The following LRP1B variants were observed in gnomAD, a reference collection of about 807,000 sequenced individuals.
LRP1B encodes the protein low-density lipoprotein receptor-related protein 1B.
In LRP1B, 217 loss-of-function variants were observed where a neutral mutation model predicts 556.6. The observed-to-expected ratio is 0.39, with a 90% CI of 0.35 to 0.44. LRP1B has a LOEUF of 0.44. LRP1B is among the 20% of genes least tolerant of loss of function. The pLI, the probability that LRP1B is intolerant of heterozygous loss-of-function variation, is 1.00. For synonymous variants in LRP1B, 2,047 were observed against 1,865.8 expected (o/e 1.10, Z -2.50); for missense variants, 5,053 against 5,620.8 (o/e 0.90, Z 3.23).
At chr2:140,536,946 G>A (rs1050208205) in intron 45 of LRP1B, among the ~76,000 whole-genome samples, 9 of 151,056 alleles carry the variant, frequency 6.0e-5, no homozygotes, top group African/African-American at 1.9e-4. Flanking sequence ...GGCTGAGGTG[G>A]GTAGATCATG....
At chr2:141,583,490 C>G (rs1435167373) in intron 2 of LRP1B, among the ~76,000 whole-genome samples, 1 of 151,922 alleles carries the variant, frequency 6.6e-6, no homozygotes, top group Non-Finnish European at 1.5e-5. Context: ...TCTAAGAGGA[C>G]CAACCCTCCA....
At chr2:141,987,011 C>T (rs147310134) in intron 1 of LRP1B, among the ~76,000 whole-genome samples, 2,972 of 151,940 alleles carry the variant, frequency 0.02, 63 homozygotes, top group Non-Finnish European at 0.023. Flanking sequence ...TATAAAAATG[C>T]GGATAACAGT....
intron 2 of LRP1B, among the ~76,000 whole-genome samples, chr2:141,482,801 C>T (rs1342794845): frequency 1.3e-5 from 2 of 151,854 alleles, no homozygotes; most frequent in African/African-American, 2.4e-5. Context: ...ATGTTTAGGC[C>T]AGTTATATTT....
chr2:140,748,092 AATATATATATAT>A (rs757456196), intron 35 of LRP1B, among the ~76,000 whole-genome samples: 6 of 6,950 alleles, frequency 8.6e-4, no homozygotes, highest in African/African-American at 1.6e-3. Flanking sequence ...AAGTCCTATG[AATATATATATAT>A]ATATATATAT....
chr2:140,769,607 C>T (rs1689235672), intron 34 of LRP1B, among the ~76,000 whole-genome samples: 1 of 151,794 alleles, frequency 6.6e-6, no homozygotes, highest in Non-Finnish European at 1.5e-5. Context: ...TCCCAGAAGC[C>T]TGATCATTTA....
chr2:141,072,506 AATAGTAT>A (rs1252662217), intron 7 of LRP1B, among the ~76,000 whole-genome samples: 1 of 151,956 alleles, frequency 6.6e-6, no homozygotes, highest in East Asian at 1.9e-4. Context: ...CATGATGATA[AATAGTAT>A]GCTCTTTGTC....
intron 3 of LRP1B, among the ~76,000 whole-genome samples, chr2:141,427,118 A>G (rs1218714553): frequency 3.3e-5 from 5 of 152,118 alleles, no homozygotes; most frequent in African/African-American, 4.8e-5. Context: ...AGTGCGAACA[A>G]TTAGTGCATA....
At chr2:141,843,643 T>G (rs1425248170) in intron 1 of LRP1B, among the ~76,000 whole-genome samples, 1 of 152,142 alleles carries the variant, frequency 6.6e-6, no homozygotes, top group Non-Finnish European at 1.5e-5. Context: ...ACTCCTCTTT[T>G]TATAATTATT....
At chr2:142,091,196 C>T (rs1056568352) in intron 1 of LRP1B, among the ~76,000 whole-genome samples, 8 of 152,052 alleles carry the variant, frequency 5.3e-5, no homozygotes, top group African/African-American at 1.9e-4. Context: ...TTATCTACAA[C>T]TTCTATTTTC....
At chr2:140,239,966 G>T (rs150382127) in intron 87 of LRP1B, among the ~76,000 whole-genome samples, 233 of 150,972 alleles carry the variant, frequency 1.5e-3, no homozygotes, top group African/African-American at 5.5e-3. Context: ...CTGGTCAGGG[G>T]TCCATGTGAC....
intron 1 of LRP1B, among the ~76,000 whole-genome samples, chr2:142,068,186 T>A (rs187768032): frequency 6.9e-4 from 105 of 151,714 alleles, no homozygotes; most frequent in African/African-American, 2.4e-3. Flanking sequence ...TGTTATTTTA[T>A]GAAATGCAGT....
intron 41 of LRP1B, among the ~76,000 whole-genome samples, chr2:140,629,561 G>A (rs1333976387): frequency 6.6e-6 from 1 of 152,190 alleles, no homozygotes. Flanking sequence ...ACATAAAAAT[G>A]TGATAACTAA....
At chr2:140,729,730 G>T (rs1171569623) in intron 35 of LRP1B, among the ~76,000 whole-genome samples, 1 of 152,184 alleles carries the variant, frequency 6.6e-6, no homozygotes, top group Non-Finnish European at 1.5e-5. Context: ...TTATCATTTT[G>T]TAGTAGGTTG....
At chr2:140,478,144 C>CTTTTTTTTTTTTTTTTTTTT (rs35948232) in intron 59 of LRP1B, among the ~76,000 whole-genome samples, 4 of 62,780 alleles carry the variant, frequency 6.4e-5, no homozygotes, top group Admixed American at 2.0e-4. Context: ...TATAACTTAA[C>CTTTTTTTTTTTTTTTTTTTT]TTTTTTTTTT....
chr2:141,330,150 C>T (rs1687588983), intron 3 of LRP1B, among the ~76,000 whole-genome samples: 1 of 152,160 alleles, frequency 6.6e-6, no homozygotes, highest in South Asian at 2.1e-4. Context: ...AATGTTTGTT[C>T]CAGAATTGCA....
intron 2 of LRP1B, among the ~76,000 whole-genome samples, chr2:141,687,331 C>A (rs538391487): frequency 6.6e-6 from 1 of 151,970 alleles, no homozygotes; most frequent in Non-Finnish European, 1.5e-5. Context: ...ATAATCATTA[C>A]CCAATTACAT....
chr2:141,348,374 AATG>A (rs1688326910), intron 3 of LRP1B, among the ~76,000 whole-genome samples: 1 of 151,966 alleles, frequency 6.6e-6, no homozygotes, highest in South Asian at 2.1e-4. Context: ...CTAAGCACAA[AATG>A]ATGATAACTT....
At chr2:141,867,687 CTAT>C (rs1420187458) in intron 1 of LRP1B, among the ~76,000 whole-genome samples, 6 of 152,104 alleles carry the variant, frequency 3.9e-5, no homozygotes, top group Non-Finnish European at 8.8e-5. Flanking sequence ...ACAACAATAA[CTAT>C]TATTTTTCAA....
chr2:142,107,127 T>C (rs1006264327), intron 1 of LRP1B, among the ~76,000 whole-genome samples: 5 of 152,156 alleles, frequency 3.3e-5, no homozygotes, highest in Admixed American at 6.6e-5. Flanking sequence ...AATATAAAAA[T>C]TGACATTTAA....
Sources: allele counts gnomAD v4.1 joint callset (sites outside exome capture counted in the v4.1 genomes callset), GRCh38; gene constraint gnomAD v4.1.1; transcripts MANE v1.5; gene names NCBI Gene and HGNC (gene_info 2026-07-23, HGNC 2026-07-21).